The following UTRN variants were observed in gnomAD, a reference collection of about 807,000 sequenced individuals.
UTRN encodes the protein dystrophin-related protein 1.
UTRN carries 283 observed loss-of-function variants against 463.9 expected under a neutral mutation model. That is an observed-to-expected ratio of 0.61 (90% CI 0.55 to 0.67). The LOEUF is 0.67. UTRN is among the 30% of genes least tolerant of loss of function. The pLI, the probability that UTRN is intolerant of heterozygous loss-of-function variation, is 0.00. For missense variants in UTRN, 3,922 were observed against 4,084.3 expected (o/e 0.96, Z 1.08); for synonymous variants, 1,442 against 1,431.5 (o/e 1.01, Z -0.17).
Position 144,820,745 on chromosome 6 carries a change from C to T in UTRN, c.9358-137C>T, listed in dbSNP as rs2128753156. ...ATTGCCAAGTGTTTTCATGAGACTG[C>T]TTTATTTCAAAAATGCATAAAACTA... On this transcript the variant is annotated intron_variant, in intron 65 of 74. Coordinates refer to ENST00000367545, the MANE Select transcript of UTRN (RefSeq NM_007124.3). 3 of 1,032,464 alleles carry T rather than the reference C, an allele frequency of 2.9e-6. No individual in the cohort carries two copies. The East Asian group carries it at 8.0e-5, about 28-fold the overall frequency. 64.0% of individuals were successfully genotyped at this position (1,032,464 alleles called of 1,614,324 possible).
intron 50 of UTRN, among the ~76,000 whole-genome samples, chr6:144,569,237 C>T (rs925716446): frequency 4.0e-5 from 6 of 151,672 alleles, no homozygotes; most frequent in African/African-American, 4.8e-5. Context: ...CATGTATAAG[C>T]TATGATTTTA....
chr6:144,386,631 T>G (rs1440394380), intron 2 of UTRN, among the ~76,000 whole-genome samples: 1 of 152,222 alleles, frequency 6.6e-6, no homozygotes, highest in East Asian at 1.9e-4. Flanking sequence ...TGGGCCAATT[T>G]TTAAACTGTG....
chr6:144,736,147 C>T (rs1159641075), intron 54 of UTRN, among the ~76,000 whole-genome samples: 1 of 151,974 alleles, frequency 6.6e-6, no homozygotes, highest in African/African-American at 2.4e-5. Context: ...AAAAATAAAT[C>T]GAAGAAAACT....
chr6:144,295,993 T>C (rs1477464153), intron 2 of UTRN, among the ~76,000 whole-genome samples: 3 of 152,224 alleles, frequency 2.0e-5, no homozygotes, highest in African/African-American at 7.2e-5. Context: ...AGATCTTCCT[T>C]GCTGACTTTA....
chr6:144,786,632 C>T (rs1043236839), intron 61 of UTRN, among the ~76,000 whole-genome samples: 6 of 152,066 alleles, frequency 3.9e-5, no homozygotes, highest in African/African-American at 1.2e-4. Context: ...TGTGCCTTTG[C>T]TCAGGCTTTC....
chr6:144,541,237 G>C (rs892933136), intron 45 of UTRN, among the ~76,000 whole-genome samples: 1 of 152,104 alleles, frequency 6.6e-6, no homozygotes, highest in African/African-American at 2.4e-5. Context: ...ATGGCCTGGC[G>C]TCCTGTGATC....
At chr6:144,375,358 T>C (rs1780361078) in intron 2 of UTRN, among the ~76,000 whole-genome samples, 1 of 152,364 alleles carries the variant, frequency 6.6e-6, no homozygotes, top group African/African-American at 2.4e-5. Flanking sequence ...ACTCAGCGTT[T>C]ATAAGCATGT....
At chr6:144,781,771 T>C (rs937439105) in intron 60 of UTRN, 151 bp from the exon 61 acceptor site, 27 of 567,332 alleles carry the variant, frequency 4.8e-5, no homozygotes. Context: ...TGTTTGTTTC[T>C]TTAAAAGCTG....
chr6:144,732,214 T>TTATATATATA (rs1174420940), intron 54 of UTRN, among the ~76,000 whole-genome samples: 11 of 92,298 alleles, frequency 1.2e-4, no homozygotes, highest in South Asian at 4.7e-4. Context: ...GTACTCTGTT[T>TTATATATATA]TATATATATA....
intron 64 of UTRN, among the ~76,000 whole-genome samples, chr6:144,801,686 A>C (rs1777711963): frequency 6.6e-6 from 1 of 152,182 alleles, no homozygotes; most frequent in South Asian, 2.1e-4. Flanking sequence ...ATTCCTTAAT[A>C]GTAGTTGCAT....
intron 23 of UTRN, among the ~76,000 whole-genome samples, chr6:144,473,089 G>C (rs1790836238): frequency 6.6e-6 from 1 of 152,044 alleles, no homozygotes; most frequent in African/African-American, 2.4e-5. Context: ...TTTAAGGCCT[G>C]GTTCCAATGT....
chr6:144,644,566 A>G (rs577043222), intron 51 of UTRN, among the ~76,000 whole-genome samples: 47 of 152,258 alleles, frequency 3.1e-4, no homozygotes, highest in Non-Finnish European at 5.4e-4. Context: ...TTGGCTATAT[A>G]TTAGTCATAT....
At chr6:144,339,557 CT>C (rs111755283) in intron 2 of UTRN, among the ~76,000 whole-genome samples, 9,941 of 147,754 alleles carry the variant, frequency 0.067, 1,042 homozygotes, top group African/African-American at 0.23. Context: ...GTACTCTTTT[CT>C]TTTTTTTTTA....
intron 2 of UTRN, among the ~76,000 whole-genome samples, chr6:144,379,255 A>T (rs752597873): frequency 1.3e-5 from 2 of 152,214 alleles, no homozygotes; most frequent in Non-Finnish European, 2.9e-5. Context: ...AAAACAGCAA[A>T]TATTTATTAT....
intron 2 of UTRN, among the ~76,000 whole-genome samples, chr6:144,395,457 C>T (rs916282112): frequency 7.0e-6 from 1 of 142,236 alleles, no homozygotes; most frequent in Admixed American, 7.2e-5. Flanking sequence ...CAAACAGTGT[C>T]GGATGCCTGT....
In UTRN at chr6:144,692,655, G is replaced by GT. The variant is rs145276181; in HGVS notation, c.7653-7423dup. ...TCTCTAATGATCAGTGATGTTGAAG[G>GT]TTTTTTTTTAATATGCTTGTCAGCT... On this transcript the variant is annotated intron_variant, in intron 52 of 74. Transcript: ENST00000367545. 2.9e-3 allele frequency among the ~76,000 whole-genome samples: 434 copies of GT among 151,222 alleles called. 1 individual carries two copies. Among genetic ancestry groups the GT allele is most frequent in the African/African-American group, 9.7e-3 (398 of 41,238 alleles).
chr6:144,646,710 G>C (rs1305213429), intron 51 of UTRN, among the ~76,000 whole-genome samples: 2 of 151,970 alleles, frequency 1.3e-5, no homozygotes, highest in African/African-American at 4.8e-5. Context: ...TGTATCAGGG[G>C]GCGGCTTTTA....
chr6:144,543,741 TTTTTC>T (rs1293070811), intron 46 of UTRN, among the ~76,000 whole-genome samples: 1 of 152,136 alleles, frequency 6.6e-6, no homozygotes, highest in Non-Finnish European at 1.5e-5. Flanking sequence ...ATTCCTCTTA[TTTTTC>T]TTTTCTTTTC....
chr6:144,363,876 A>G (rs1278897368), intron 2 of UTRN, among the ~76,000 whole-genome samples: 1 of 152,214 alleles, frequency 6.6e-6, no homozygotes, highest in Non-Finnish European at 1.5e-5. Flanking sequence ...CATGCTGAAT[A>G]CCATGCTAGG....
Sources: allele counts gnomAD v4.1 joint callset (sites outside exome capture counted in the v4.1 genomes callset), GRCh38; gene constraint gnomAD v4.1.1; transcripts MANE v1.5; gene names NCBI Gene and HGNC (gene_info 2026-07-23, HGNC 2026-07-21).